TFB1M: variants seen among roughly 807,000 people sequenced by gnomAD.
TFB1M encodes the protein transcription factor B1, mitochondrial.
A neutral mutation model predicts 31.1 loss-of-function variants in TFB1M; 27 were observed. The observed-to-expected ratio is 0.87, with a 90% CI of 0.64 to 1.20. The LOEUF is 1.20. TFB1M is among the 50% of genes most tolerant of loss of function. TFB1M has a pLI of 0.00. For missense variants in TFB1M, 394 were observed against 418.7 expected (o/e 0.94, Z 0.51); for synonymous variants, 166 against 151.8 (o/e 1.09, Z -0.69).
the TFB1M span, among the ~76,000 whole-genome samples, chr6:155,238,038 T>A: frequency 6.6e-6 from 1 of 152,382 alleles, no homozygotes; most frequent in Non-Finnish European, 1.5e-5. Flanking sequence ...CAAAGTTTTA[T>A]GCTCTGCCTC....
intron 5 of TFB1M, among the ~76,000 whole-genome samples, chr6:155,270,700 C>T (rs1371553834): frequency 2.6e-5 from 4 of 152,266 alleles, no homozygotes; most frequent in East Asian, 1.9e-4. Context: ...GGGGAGCAGC[C>T]GGGTCCCTCC....
the TFB1M span, among the ~76,000 whole-genome samples, chr6:155,237,391 G>T: frequency 4.6e-5 from 7 of 152,198 alleles, no homozygotes; most frequent in Admixed American, 3.3e-4. Flanking sequence ...CTACAGCTTT[G>T]CCAGGCACAG....
At chr6:155,263,447 T>G (rs1784482426) in intron 5 of TFB1M, among the ~76,000 whole-genome samples, 1 of 152,162 alleles carries the variant, frequency 6.6e-6, no homozygotes, top group African/African-American at 2.4e-5. Flanking sequence ...AAAATGAATT[T>G]AAATATTTGC....
At chr6:155,305,772 T>C (rs1263636378) in intron 2 of TFB1M, among the ~76,000 whole-genome samples, 1 of 125,012 alleles carries the variant, frequency 8.0e-6, no homozygotes, top group African/African-American at 3.0e-5. Context: ...TATTAAATTA[T>C]ATATAAATAA....
At chr6:155,250,662 G>T in the TFB1M span, 1 of 1,520,688 alleles carries the variant, frequency 6.6e-7, no homozygotes, top group African/African-American at 1.4e-5. Flanking sequence ...TGGTCACAAG[G>T]CATGTCTCAC....
chr6:155,279,227 A>G (rs1215792415), intron 5 of TFB1M, among the ~76,000 whole-genome samples: 1 of 128,880 alleles, frequency 7.8e-6, no homozygotes, highest in Non-Finnish European at 1.7e-5. Flanking sequence ...TTTTTTTTTT[A>G]ACCTGTGGAG....
At chr6:155,248,202 G>T in the TFB1M span, 4 of 1,607,692 alleles carry the variant, frequency 2.5e-6, no homozygotes, top group Non-Finnish European at 3.4e-6. Context: ...CGGCACCTCC[G>T]GGCGAGGGCC....
intron 2 of TFB1M, among the ~76,000 whole-genome samples, chr6:155,302,284 A>G (rs538728419): frequency 5.7e-4 from 87 of 152,322 alleles, no homozygotes; most frequent in Middle Eastern, 3.4e-3. Flanking sequence ...AGTAGGGCCC[A>G]AATGCTGTTG....
intron 5 of TFB1M, among the ~76,000 whole-genome samples, chr6:155,271,442 A>G (rs891049934): frequency 1.3e-5 from 2 of 152,232 alleles, no homozygotes; most frequent in Non-Finnish European, 2.9e-5. Context: ...AAGTGGAAGC[A>G]ATAACAAGAA....
rs756948388 is a variant in TFB1M, at chr6:155,260,388, C to G, written c.679G>C (p.Val227Leu). The stretch of plus-strand genomic sequence containing the variant: ...TGTATCAAGGGAGTGAAGTGCACCA[C>G]GCCCACGTCCACCTTCGTTGTAAGC... ...FVPKPEVDVGVVHFTPLIQPK... is the reference protein window; with the variant it reads ...FVPKPEVDVGLVHFTPLIQPK... Residue 227 changes from valine to leucine, a missense_variant, in exon 6 of 7, where the codon GTG (valine) becomes CTG (leucine). This residue lies in a region of TFB1M where 115 missense variants were observed against 144.1 expected (regional missense o/e 0.80). Coordinates refer to ENST00000367166, the MANE Select transcript of TFB1M (RefSeq NM_016020.4). The G allele has an allele frequency of 8.7e-6, 14 of 1,614,224 alleles. No individual in the cohort carries two copies. In the Admixed American group the frequency reaches 2.3e-4, roughly 27 times the overall value.
the TFB1M span, chr6:155,250,042 C>G: frequency 8.5e-7 from 1 of 1,172,582 alleles, no homozygotes; most frequent in Middle Eastern, 2.0e-4. Flanking sequence ...TCTAGATAGG[C>G]TGCCCTGTTA....
Position 155,257,085 on chromosome 6 carries a change from G to A in TFB1M, c.*751C>T, listed in dbSNP as rs1562380443. ...GTTTAACATCTGTTGTCAGTGAGGAGTGTTTTTATGAAACAGAGAGCCACG... is the reference window on the plus strand; with the variant it reads ...GTTTAACATCTGTTGTCAGTGAGGAATGTTTTTATGAAACAGAGAGCCACG... On this transcript the variant is annotated 3_prime_UTR_variant, in exon 7 of 7. Transcript: ENST00000367166. The A allele has an allele frequency of 1.2e-6, 2 of 1,604,020 alleles. No homozygotes were observed. The highest frequency in any genetic ancestry group is 8.5e-7 in the Non-Finnish European group (1 of 1,173,752).
intron 5 of TFB1M, among the ~76,000 whole-genome samples, chr6:155,273,655 G>C (rs976633503): frequency 2.0e-5 from 3 of 152,138 alleles, no homozygotes; most frequent in Admixed American, 6.5e-5. Flanking sequence ...AAACACACAG[G>C]GGGAGAAAGA....
chr6:155,277,676 GTAT>G (rs1462034148), intron 5 of TFB1M, among the ~76,000 whole-genome samples: 5 of 152,222 alleles, frequency 3.3e-5, no homozygotes, highest in African/African-American at 1.2e-4. Context: ...AAACGAAAAG[GTAT>G]TATCACAAAC....
At chr6:155,296,236 C>G (rs952110795) in intron 4 of TFB1M, among the ~76,000 whole-genome samples, 1 of 151,912 alleles carries the variant, frequency 6.6e-6, no homozygotes, top group African/African-American at 2.4e-5. Flanking sequence ...TTCTCTTTCT[C>G]AGCTCCAAAT....
chr6:155,256,562 T>C lies in TFB1M; in HGVS notation c.*1274A>G, dbSNP rs1325668535. ...GGTGAGACTGGCAAGGGAACCTTGC[T>C]GGACTCTGACGAGGGCAGCTTGAGC... is the stretch of plus-strand genomic sequence containing the variant. On this transcript the variant is annotated 3_prime_UTR_variant, in exon 7 of 7. Transcript: ENST00000367166. 1.9e-6 allele frequency: 3 copies of C among 1,614,220 alleles called. No homozygotes were observed. The highest frequency in any genetic ancestry group is 2.2e-5 in the South Asian group (2 of 91,088).
chr6:155,297,137 T>C, intron 3 of TFB1M, 33 bp from the exon 4 acceptor site: 1 of 1,604,208 alleles, frequency 6.2e-7, no homozygotes, highest in Non-Finnish European at 8.5e-7. Flanking sequence ...CCTGAAATGA[T>C]TCCATCAATA....
At chr6:155,231,016 A>G in the TFB1M span, among the ~76,000 whole-genome samples, 2 of 142,510 alleles carry the variant, frequency 1.4e-5, no homozygotes, top group South Asian at 2.3e-4. Context: ...TTTTTTTTGT[A>G]TTTTTAGTAG....
rs1260089570 is a variant in TFB1M at position 155,260,383 on chromosome 6, C to T, written c.684G>A (p.Val228=). 1.9e-6 allele frequency: 3 copies of T among 1,614,100 alleles called. No homozygotes were observed. Among genetic ancestry groups the T allele is most frequent in the Admixed American group, 3.3e-5 (2 of 60,012 alleles). Residue 228 remains valine (V), a synonymous_variant, in exon 6 of 7, where the codon GTG becomes GTA. Coordinates refer to ENST00000367166, the MANE Select transcript of TFB1M (RefSeq NM_016020.4). The stretch of plus-strand genomic sequence containing the variant: ...TGGGCTGTATCAAGGGAGTGAAGTG[C>T]ACCACGCCCACGTCCACCTTCGTTG... The part of the protein sequence containing the change: ...VPKPEVDVGV[V]HFTPLIQPKI...
Sources: gnomAD v4.1 joint callset for allele counts (sites outside exome capture counted in the v4.1 genomes callset) on GRCh38, gnomAD v4.1.1 for gene constraint, gnomAD v4.1.1 regional missense constraint, MANE v1.5 for transcripts, NCBI Gene and HGNC (gene_info 2026-07-23, HGNC 2026-07-21) for gene names.